SEMA3C: variants seen among roughly 807,000 people sequenced by gnomAD.
SEMA3C encodes semaphorin 3C, also known as semaphorin-3C.
A neutral mutation model predicts 89.4 loss-of-function variants in SEMA3C; 47 were observed. The observed-to-expected ratio is 0.53, with a 90% confidence interval of 0.42 to 0.67. The LOEUF (loss-of-function observed/expected upper bound fraction) is 0.67, where lower values mean the gene tolerates loss of function less well. Ranked by LOEUF, SEMA3C falls within the 30% of genes least tolerant of loss-of-function variation. The probability of loss-of-function intolerance (pLI) is 0.00; values close to 1 mark genes in which losing one functional copy is unlikely to be tolerated. For synonymous variants in SEMA3C, 310 were observed against 320.2 expected (o/e 0.97, Z 0.34); for missense variants, 839 against 929.1 (o/e 0.90, Z 1.26).
intron 2 of SEMA3C, among the ~76,000 whole-genome samples, chr7:80,871,585 T>C (rs1019355167): frequency 6.6e-5 from 10 of 152,216 alleles, no homozygotes; most frequent in African/African-American, 2.4e-4. Context: ...CTATCAGACC[T>C]TGGCGATCAC....
At chr7:80,915,738 C>G (rs1476302769) in intron 2 of SEMA3C, 1 of 106,290 alleles carries the variant, frequency 9.4e-6, no homozygotes, top group Admixed American at 1.0e-4. Context: ...GAGACACTGT[C>G]TCAAAAAAAA....
intron 2 of SEMA3C, among the ~76,000 whole-genome samples, chr7:80,840,548 G>A (rs1472020014): frequency 3.0e-5 from 3 of 100,612 alleles, no homozygotes; most frequent in South Asian, 3.0e-4. Context: ...AAAAAAGAGC[G>A]AGAGAGAGAG....
chr7:80,750,473 T>TATATATATACACACACACACACAC (rs869227686), intron 16 of SEMA3C, among the ~76,000 whole-genome samples: 1 of 55,436 alleles, frequency 1.8e-5, no homozygotes, highest in Non-Finnish European at 3.5e-5. Flanking sequence ...TATATATATA[T>TATATATATACACACACACACACAC]ACACACACAC....
At chr7:80,839,400 C>A (rs1790212085) in intron 2 of SEMA3C, among the ~76,000 whole-genome samples, 1 of 151,940 alleles carries the variant, frequency 6.6e-6, no homozygotes, top group African/African-American at 2.4e-5. Context: ...GGATGGTTAA[C>A]AAAACAAAAG....
chr7:80,817,633 T>C (rs998092584), intron 5 of SEMA3C, among the ~76,000 whole-genome samples: 15 of 152,288 alleles, frequency 9.8e-5, no homozygotes, highest in African/African-American at 3.6e-4. Flanking sequence ...ATTAGCTATA[T>C]ATTTGACTAG....
At chr7:80,803,110 T>A (rs1207249165) in intron 8 of SEMA3C, among the ~76,000 whole-genome samples, 3 of 152,206 alleles carry the variant, frequency 2.0e-5, no homozygotes, top group African/African-American at 7.2e-5. Flanking sequence ...CTTTCCTTGA[T>A]AATTTATTGT....
At chr7:80,869,125 T>A (rs1790997454) in intron 2 of SEMA3C, among the ~76,000 whole-genome samples, 1 of 152,156 alleles carries the variant, frequency 6.6e-6, no homozygotes, top group South Asian at 2.1e-4. Context: ...AATCCTGGTG[T>A]TCCAAATCAG....
chr7:80,916,536 T>A, intron 2 of SEMA3C, 143 bp downstream of exon 2: 1 of 626,550 alleles, frequency 1.6e-6, no homozygotes, highest in Non-Finnish European at 2.5e-6. Context: ...TTAAAATAGC[T>A]ATTGTCCTCC....
intron 15 of SEMA3C, among the ~76,000 whole-genome samples, chr7:80,753,842 C>T (rs1787993202): frequency 1.3e-5 from 2 of 152,190 alleles, no homozygotes; most frequent in South Asian, 4.1e-4. Flanking sequence ...AGAGACTATA[C>T]TGCAATATTT....
intron 2 of SEMA3C, among the ~76,000 whole-genome samples, chr7:80,849,634 T>G (rs996693354): frequency 2.0e-5 from 3 of 152,156 alleles, no homozygotes; most frequent in Non-Finnish European, 4.4e-5. Flanking sequence ...AAATATAAAT[T>G]GGCATATTGT....
chr7:80,772,584 TTAG>T (rs1440306520), intron 12 of SEMA3C, among the ~76,000 whole-genome samples: 1 of 152,166 alleles, frequency 6.6e-6, no homozygotes. Flanking sequence ...GGGGAGGCCC[TTAG>T]AAAGGCTGTC....
chr7:80,757,369 C>G (rs566415780), intron 15 of SEMA3C, among the ~76,000 whole-genome samples: 1 of 152,308 alleles, frequency 6.6e-6, no homozygotes, highest in South Asian at 2.1e-4. Flanking sequence ...ACTCATGGTT[C>G]CTTCCAACTT....
intron 13 of SEMA3C, among the ~76,000 whole-genome samples, chr7:80,763,603 T>C (rs1346923983): frequency 6.6e-6 from 1 of 152,226 alleles, no homozygotes; most frequent in Non-Finnish European, 1.5e-5. Context: ...GACTAACTCA[T>C]GTTTCTTTCC....
At chr7:80,891,152 G>A (rs11977933) in intron 2 of SEMA3C, among the ~76,000 whole-genome samples, 5,752 of 152,088 alleles carry the variant, frequency 0.038, 326 homozygotes, top group African/African-American at 0.12. Context: ...ACTGGTTTCC[G>A]TATAAATTTC....
Position 80,804,165 on chromosome 7 carries a change from G to C in SEMA3C, c.742C>G (p.Leu248Val), listed in dbSNP as rs143347984. 1.2e-6 allele frequency: 2 copies of C among 1,612,892 alleles called. No homozygotes were observed. Among genetic ancestry groups the C allele is most frequent in the South Asian group, 1.1e-5 (1 of 90,950 alleles). ...TTCGTGCTCCTGTTATTGTCAGTCA[G>C]TTTTTCTTTGAAGAAGAAGTACACC... ...AKVYFFFKEKLTDNNRSTKQI... is the reference protein window; with the variant it reads ...AKVYFFFKEKVTDNNRSTKQI... The change falls in exon 8 of 18, where the codon CTG becomes GTG. Residue 248 changes from leucine (L) to valine (V), a missense_variant. By Grantham distance (32) the Leu-to-Val change is conservative. Coordinates refer to ENST00000265361, the MANE Select transcript of SEMA3C (RefSeq NM_006379.5).
At chr7:80,824,096 C>T (rs995501189) in intron 4 of SEMA3C, among the ~76,000 whole-genome samples, 2 of 152,020 alleles carry the variant, frequency 1.3e-5, no homozygotes, top group Middle Eastern at 3.4e-3. Context: ...CTTGTTATAA[C>T]GTCAATTAAA....
rs548762208 is a variant in SEMA3C, at chr7:80,833,774, T to A, written c.104-5029A>T. ...CGACTTGGGGAGAGAAACGACCATT[T>A]TTTTTTTTTAGAACATAGAGATGAG... On this transcript the variant is annotated intron_variant, in intron 2 of 17. Coordinates refer to ENST00000265361, the MANE Select transcript of SEMA3C (RefSeq NM_006379.5). Among the ~76,000 whole-genome samples the A allele has an allele frequency of 7.2e-5, 11 of 152,184 alleles. No individual in the cohort carries two copies. In the East Asian group the frequency reaches 2.1e-3, roughly 29 times the overall value.
At chr7:80,891,665 A>G (rs1391953093) in intron 2 of SEMA3C, among the ~76,000 whole-genome samples, 1 of 152,124 alleles carries the variant, frequency 6.6e-6, no homozygotes, top group Admixed American at 6.6e-5. Context: ...GAAAAATGCA[A>G]ATTATTTTAT....
intron 5 of SEMA3C, among the ~76,000 whole-genome samples, 182 bp downstream of exon 5, chr7:80,818,117 G>A (rs920979238): frequency 6.6e-6 from 1 of 151,606 alleles, no homozygotes; most frequent in South Asian, 2.1e-4. Context: ...TTTTTTAGCT[G>A]AAGGCAAAAG....
Sources: gnomAD v4.1 joint callset for allele counts (sites outside exome capture counted in the v4.1 genomes callset) on GRCh38, gnomAD v4.1.1 for gene constraint, MANE v1.5 for transcripts, NCBI Gene and HGNC (gene_info 2026-07-23, HGNC 2026-07-21) for gene names.